Variants in SMARCC1 observed in about 807,000 individuals in gnomAD.
SMARCC1 encodes SWI/SNF related BAF chromatin remodeling complex subunit C1, also known as SWI/SNF complex subunit SMARCC1.
Under a neutral mutation model 147.4 loss-of-function variants are expected in SMARCC1, and 43 were observed. That is an observed-to-expected ratio of 0.29 (90% CI 0.23 to 0.38). SMARCC1 has a LOEUF of 0.38. Among genes scored for constraint, SMARCC1 ranks in the 10% least tolerant of loss-of-function variants. The pLI is 1.00. For synonymous variants in SMARCC1, 495 were observed against 484.4 expected (o/e 1.02, Z -0.29); for missense variants, 1,119 against 1,381.1 (o/e 0.81, Z 3.01).
intron 2 of SMARCC1, among the ~76,000 whole-genome samples, chr3:47,763,921 G>A (rs1483132416): frequency 6.6e-6 from 1 of 151,000 alleles, no homozygotes; most frequent in Non-Finnish European, 1.5e-5. Flanking sequence ...CTCTCACCAT[G>A]TTGTCCAGGC....
chr3:47,738,352 T>A (rs1046106636), intron 3 of SMARCC1, among the ~76,000 whole-genome samples: 2 of 152,204 alleles, frequency 1.3e-5, no homozygotes, highest in Admixed American at 1.3e-4. Flanking sequence ...TATCTAATTT[T>A]CCTTAAATCT....
Position 47,676,661 on chromosome 3 carries a change from C to T in SMARCC1, c.1693G>A (p.Gly565Arg), listed in dbSNP as rs1293711609. ...HFNVLADTPS[G>R]LVPLHLRSPQ... ...GATCGAAGATGCAGAGGCACAAGCC[C>T]AGAGGGGGTATCAGCTAATACATTA... is the stretch of plus-strand genomic sequence containing the variant. Residue 565 changes from glycine to arginine, a missense_variant, in exon 17 of 28, where the codon GGG becomes AGG. This residue lies in a region of SMARCC1 where 178 missense variants were observed against 264.6 expected (regional missense o/e 0.67). Transcript: ENST00000254480. 1 of 1,613,878 alleles carries T rather than the reference C, an allele frequency of 6.2e-7. No homozygotes were observed. Among genetic ancestry groups the T allele is most frequent in the Admixed American group, 1.7e-5 (1 of 60,014 alleles).
intron 1 of SMARCC1, among the ~76,000 whole-genome samples, chr3:47,777,769 C>G (rs988675843): frequency 6.6e-6 from 1 of 151,790 alleles, no homozygotes; most frequent in African/African-American, 2.4e-5. Context: ...CTCAGGTGAT[C>G]CACCGGCCTC....
At position 47,598,107 on chromosome 3, in the gene SMARCC1, C is replaced by T. The variant is rs2032320492; in HGVS notation, c.3044-7270G>A. Among the ~76,000 whole-genome samples, 2 of 152,126 alleles carry T rather than the reference C, an allele frequency of 1.3e-5. 1 individual carries two copies. The highest frequency in any genetic ancestry group is 4.1e-4 in the South Asian group (2 of 4,830). On this transcript the variant is annotated intron_variant, in intron 26 of 27. Transcript: ENST00000254480. ...TACTGTCCCAGCTCCCTTTTGGAAG[C>T]CCTTTTTTTGTTCTCTTCCTACCCC...
intron 21 of SMARCC1, among the ~76,000 whole-genome samples, chr3:47,651,045 C>G (rs1057385817): frequency 3.3e-5 from 5 of 152,194 alleles, no homozygotes; most frequent in Non-Finnish European, 1.5e-5. Context: ...TGGCTCACGT[C>G]TGCAATCCCA....
chr3:47,593,709 ACT>A (rs1464751540), intron 26 of SMARCC1, among the ~76,000 whole-genome samples: 1 of 152,132 alleles, frequency 6.6e-6, no homozygotes, highest in East Asian at 1.9e-4. Flanking sequence ...TCAAATACAG[ACT>A]CTCTGTCACT....
At chr3:47,595,803 C>T (rs1455430509) in intron 26 of SMARCC1, among the ~76,000 whole-genome samples, 4 of 149,292 alleles carry the variant, frequency 2.7e-5, no homozygotes, top group African/African-American at 7.4e-5. Context: ...GGGGCGATCT[C>T]GACTCACTGC....
chr3:47,703,702 G>T (rs1261505076), intron 10 of SMARCC1, among the ~76,000 whole-genome samples: 1 of 152,196 alleles, frequency 6.6e-6, no homozygotes, highest in Non-Finnish European at 1.5e-5. Flanking sequence ...AGTGCAGAGC[G>T]AATGCTCAAA....
intron 17 of SMARCC1, among the ~76,000 whole-genome samples, chr3:47,676,200 T>A (rs2033570662): frequency 1.3e-5 from 2 of 152,194 alleles, no homozygotes; most frequent in African/African-American, 4.8e-5. Flanking sequence ...TTTGACATAA[T>A]CTGTTTTGAT....
At chr3:47,675,291 G>T (rs539901964) in intron 18 of SMARCC1, among the ~76,000 whole-genome samples, 184 bp downstream of exon 18, 1 of 151,638 alleles carries the variant, frequency 6.6e-6, no homozygotes, top group African/African-American at 2.4e-5. Context: ...TTTTCCCCTC[G>T]AATTTCTCTA....
chr3:47,590,888 A>G, intron 26 of SMARCC1, 51 bp from the exon 27 acceptor site: 1 of 1,488,382 alleles, frequency 6.7e-7, no homozygotes, highest in Middle Eastern at 1.7e-4. Context: ...GGGGTGTAAG[A>G]AAGGGATCAA....
In SMARCC1 at chr3:47,710,751, C is replaced by A; in HGVS notation, c.850G>T (p.Asp284Tyr). The A allele has an allele frequency of 6.2e-7, 1 of 1,612,940 alleles. No individual in the cohort carries two copies. Among genetic ancestry groups the A allele is most frequent in the Non-Finnish European group, 8.5e-7 (1 of 1,179,138 alleles). Residue 284 changes from aspartate (D) to tyrosine (Y), a missense_variant, in exon 9 of 28, where the codon GAT becomes TAT. Asp to Tyr is a radical substitution (Grantham distance 160). This residue lies in a region of SMARCC1 where 542 missense variants were observed against 611.8 expected (regional missense o/e 0.89). Transcript: ENST00000254480. ...DIFNEWMNEE[D>Y]YEVDENRKPV... Reference sequence around the variant, plus strand: ...TTCCTATTTTCATCCACCTCATAATCCTCCTCATTCATCCATTCATTGAAA... The same window carrying A: ...TTCCTATTTTCATCCACCTCATAATACTCCTCATTCATCCATTCATTGAAA...
At chr3:47,748,435 G>C (rs2034591028) in intron 2 of SMARCC1, among the ~76,000 whole-genome samples, 1 of 152,120 alleles carries the variant, frequency 6.6e-6, no homozygotes, top group Non-Finnish European at 1.5e-5. Flanking sequence ...TATTGGCCAA[G>C]CTGATATGAA....
intron 18 of SMARCC1, among the ~76,000 whole-genome samples, chr3:47,674,506 T>C (rs890420075): frequency 3.3e-5 from 5 of 152,252 alleles, no homozygotes; most frequent in East Asian, 1.9e-4. Flanking sequence ...AGTTTTATTA[T>C]TGTTCTTTTG....
intron 1 of SMARCC1, among the ~76,000 whole-genome samples, chr3:47,781,038 T>A (rs2035040288): frequency 6.6e-6 from 1 of 152,172 alleles, no homozygotes; most frequent in Non-Finnish European, 1.5e-5. Flanking sequence ...TTTAGAACAC[T>A]TTACGTACAA....
At chr3:47,658,224 T>C (rs768028144) in intron 21 of SMARCC1, among the ~76,000 whole-genome samples, 84 of 152,200 alleles carry the variant, frequency 5.5e-4, no homozygotes, top group Non-Finnish European at 1.0e-3. Context: ...CACTGTGAAC[T>C]TAAAAAAATA....
chr3:47,607,713 C>T (rs2032498606), intron 26 of SMARCC1, among the ~76,000 whole-genome samples: 1 of 152,070 alleles, frequency 6.6e-6, no homozygotes, highest in Non-Finnish European at 1.5e-5. Flanking sequence ...ATAGCCAACT[C>T]GAAACAGTTC....
intron 1 of SMARCC1, among the ~76,000 whole-genome samples, chr3:47,778,417 T>G (rs1000830349): frequency 1.3e-5 from 2 of 151,866 alleles, no homozygotes; most frequent in Non-Finnish European, 2.9e-5. Flanking sequence ...CAAGTGATCC[T>G]CCAAGGACCC....
intron 24 of SMARCC1, among the ~76,000 whole-genome samples, chr3:47,633,791 C>T (rs1195507153): frequency 3.5e-5 from 1 of 28,530 alleles, no homozygotes; most frequent in East Asian, 2.5e-3. Flanking sequence ...CACACACACA[C>T]ACACACACAC....
Sources: allele counts gnomAD v4.1 joint callset (sites outside exome capture counted in the v4.1 genomes callset), GRCh38; gene constraint gnomAD v4.1.1; regional missense constraint gnomAD v4.1.1; transcripts MANE v1.5; gene names NCBI Gene and HGNC (gene_info 2026-07-23, HGNC 2026-07-21).